The following ELMO1 variants were observed in gnomAD, a reference collection of about 807,000 sequenced individuals.
ELMO1 encodes engulfment and cell motility 1.
A neutral mutation model predicts 98.9 loss-of-function variants in ELMO1; 26 were observed. The ratio of observed to expected loss-of-function variants is 0.26; its 90% CI spans 0.19 to 0.36. The LOEUF (loss-of-function observed/expected upper bound fraction) is 0.36, where lower values mean the gene tolerates loss of function less well. Among genes scored for constraint, ELMO1 ranks in the 10% least tolerant of loss-of-function variants. The probability of loss-of-function intolerance (pLI) is 1.00; values close to 1 mark genes in which losing one functional copy is unlikely to be tolerated. For missense variants in ELMO1, 627 were observed against 935.2 expected (o/e 0.67, Z 4.30); for synonymous variants, 346 against 346.0 (o/e 1.00, Z 0.00).
At chr7:37,154,909 G>A (rs1788628989) in intron 13 of ELMO1, among the ~76,000 whole-genome samples, 1 of 152,208 alleles carries the variant, frequency 6.6e-6, no homozygotes, top group South Asian at 2.1e-4. Flanking sequence ...AGGGCAGCCA[G>A]AGAGAAAGGT....
At chr7:37,363,224 C>T (rs961010693) in intron 1 of ELMO1, among the ~76,000 whole-genome samples, 11 of 152,210 alleles carry the variant, frequency 7.2e-5, no homozygotes, top group Admixed American at 5.9e-4. Flanking sequence ...ATGTCCAGGC[C>T]ACCACCAATC....
chr7:37,259,428 A>C, intron 5 of ELMO1, 78 bp from the exon 6 acceptor site: 1 of 1,520,742 alleles, frequency 6.6e-7, no homozygotes, highest in Non-Finnish European at 9.0e-7. Flanking sequence ...TTCAATGAGG[A>C]ACAGAGATAC....
chr7:37,025,784 C>T (rs2129182267), intron 15 of ELMO1, among the ~76,000 whole-genome samples: 1 of 151,530 alleles, frequency 6.6e-6, no homozygotes, highest in East Asian at 1.9e-4. Flanking sequence ...GAGATTATTC[C>T]TAATGATAAA....
intron 4 of ELMO1, among the ~76,000 whole-genome samples, chr7:37,305,442 G>C (rs2131045777): frequency 1.2e-5 from 1 of 83,140 alleles, no homozygotes; most frequent in East Asian, 4.2e-4. Flanking sequence ...GCACAGTACA[G>C]ATAGTGTGTG....
At chr7:37,130,481 G>A (rs1011234555) in intron 14 of ELMO1, among the ~76,000 whole-genome samples, 7 of 152,188 alleles carry the variant, frequency 4.6e-5, no homozygotes, top group Non-Finnish European at 1.0e-4. Flanking sequence ...ATCACTGGCT[G>A]CTGGGCAAGA....
At chr7:37,190,610 G>T (rs1160441305) in intron 13 of ELMO1, among the ~76,000 whole-genome samples, 1 of 152,174 alleles carries the variant, frequency 6.6e-6, no homozygotes, top group East Asian at 1.9e-4. Context: ...TGATTCTCCT[G>T]CCTTAGCCTC....
chr7:37,161,437 T>C (rs1229970832), intron 13 of ELMO1, among the ~76,000 whole-genome samples: 5 of 152,080 alleles, frequency 3.3e-5, no homozygotes, highest in African/African-American at 4.8e-5. Context: ...ATCAACATAA[T>C]CAGACAATGA....
chr7:37,178,792 T>C (rs1187216333), intron 13 of ELMO1, among the ~76,000 whole-genome samples: 2 of 152,128 alleles, frequency 1.3e-5, no homozygotes, highest in Non-Finnish European at 2.9e-5. Flanking sequence ...ATGAGAAATA[T>C]GAGACAAACC....
At chr7:37,432,923 T>C (rs1804990131) in intron 1 of ELMO1, among the ~76,000 whole-genome samples, 1 of 152,258 alleles carries the variant, frequency 6.6e-6, no homozygotes, top group Non-Finnish European at 1.5e-5. Context: ...GTAAGAATAC[T>C]TCTGCAGAGA....
In ELMO1 at chr7:36,854,496, T is replaced by C. The variant is rs1372174263; in HGVS notation, c.*1055A>G. The C allele has an allele frequency of 2.0e-5, 3 of 150,228 alleles. No homozygotes were observed. The highest frequency in any genetic ancestry group is 7.4e-5 in the African/African-American group (3 of 40,506). The allele number at this position is 150,228 out of a possible 1,614,324, so 9.3% of individuals were successfully genotyped here. ...CTCTTCTTTTCATTAAATATATATC[T>C]GTTTGGCAAAAAATGTTAGACTCTT... is the stretch of plus-strand genomic sequence containing the variant. On this transcript the variant is annotated 3_prime_UTR_variant, in exon 22 of 22. Transcript: ENST00000310758.
chr7:37,293,409 G>C (rs1797855056), intron 4 of ELMO1, among the ~76,000 whole-genome samples: 1 of 87,628 alleles, frequency 1.1e-5, no homozygotes, highest in African/African-American at 3.2e-5. Context: ...CTGTTGATCG[G>C]TGACCTTACC....
intron 1 of ELMO1, among the ~76,000 whole-genome samples, chr7:37,438,554 C>G (rs548283150): frequency 2.0e-5 from 3 of 151,586 alleles, no homozygotes; most frequent in South Asian, 4.2e-4. Flanking sequence ...GAGCCGAGAT[C>G]GCGCCACTGC....
intron 17 of ELMO1, among the ~76,000 whole-genome samples, chr7:36,894,437 T>C (rs1442514652): frequency 1.3e-5 from 2 of 152,230 alleles, no homozygotes; most frequent in Non-Finnish European, 2.9e-5. Flanking sequence ...AGATTCATGC[T>C]ACTTTCATTT....
At chr7:37,360,233 G>T (rs1801649752) in intron 1 of ELMO1, among the ~76,000 whole-genome samples, 1 of 152,044 alleles carries the variant, frequency 6.6e-6, no homozygotes, top group East Asian at 1.9e-4. Context: ...TTGACATCTT[G>T]CTCTGTCAGA....
intron 15 of ELMO1, among the ~76,000 whole-genome samples, chr7:37,064,713 C>T (rs991624553): frequency 1.3e-5 from 2 of 152,138 alleles, no homozygotes; most frequent in Admixed American, 6.5e-5. Context: ...CTTTTAAAAG[C>T]CAATCTCCCC....
intron 14 of ELMO1, chr7:37,117,003 G>A (rs1265081257): frequency 3.8e-5 from 8 of 211,480 alleles, no homozygotes; most frequent in Non-Finnish European, 2.0e-5. Context: ...GTTGTGGGAG[G>A]AAGAGAGAGA....
intron 13 of ELMO1, among the ~76,000 whole-genome samples, chr7:37,187,068 C>G (rs1168429513): frequency 1.3e-5 from 2 of 152,132 alleles, no homozygotes; most frequent in East Asian, 3.8e-4. Context: ...TGCTCATCAA[C>G]TGATAAACAG....
intron 1 of ELMO1, among the ~76,000 whole-genome samples, chr7:37,385,863 A>G (rs918008805): frequency 6.6e-6 from 1 of 152,198 alleles, no homozygotes; most frequent in African/African-American, 2.4e-5. Flanking sequence ...CCTGGAGAAC[A>G]TGGGAAACTA....
chr7:36,877,107 C>T (rs1804045907), intron 19 of ELMO1, among the ~76,000 whole-genome samples: 1 of 152,144 alleles, frequency 6.6e-6, no homozygotes, highest in South Asian at 2.1e-4. Context: ...ATTTGACTTC[C>T]ATGGGCCCCA....
Sources: gnomAD v4.1 joint callset for allele counts (sites outside exome capture counted in the v4.1 genomes callset) on GRCh38, gnomAD v4.1.1 for gene constraint, MANE v1.5 for transcripts, NCBI Gene and HGNC (gene_info 2026-07-23, HGNC 2026-07-21) for gene names.